The following VWA8 variants were observed in gnomAD, a reference collection of about 807,000 sequenced individuals.
VWA8 encodes von Willebrand factor A domain-containing protein 8.
VWA8 carries 221 observed loss-of-function variants against 241.5 expected under a neutral mutation model. That is an observed-to-expected ratio of 0.91 (90% CI 0.82 to 1.02). The LOEUF is 1.02. Among genes scored for constraint, VWA8 ranks in the 50% least tolerant of loss-of-function variants. The pLI is 0.00. For synonymous variants in VWA8, 852 were observed against 827.1 expected, an observed-to-expected ratio of 1.03 and a Z score of -0.52; for missense variants, 2,322 against 2,328.7, an observed-to-expected ratio of 1.00 and a Z score of 0.06.
chr13:41,660,569 T>C (rs549631591), intron 37 of VWA8, among the ~76,000 whole-genome samples: 1 of 152,216 alleles, frequency 6.6e-6, no homozygotes, highest in East Asian at 1.9e-4. Flanking sequence ...CTCCCAAGAG[T>C]CCCATTCATC....
chr13:41,765,862 T>C (rs956759915), intron 20 of VWA8, among the ~76,000 whole-genome samples: 1 of 152,202 alleles, frequency 6.6e-6, no homozygotes, highest in Admixed American at 6.5e-5. Context: ...GGAAATTTGA[T>C]ATAGGAGAAG....
At chr13:41,765,420 T>G (rs367943473) in intron 20 of VWA8, among the ~76,000 whole-genome samples, 22 of 152,322 alleles carry the variant, frequency 1.4e-4, no homozygotes, top group African/African-American at 5.0e-4. Flanking sequence ...AGTTGCTTAC[T>G]ACTTCATTTT....
At position 41,868,373 on chromosome 13, in the gene VWA8, C is replaced by T. The variant is rs1873409782; in HGVS notation, c.1185G>A (p.Arg395=). ...NHVSQASVTI[R]IADKEVTIKV... ...TAATGGTCACCTCTTTATCTGCAAT[C>T]CGGATGGTCACAGAAGCTTGGGACA... The change falls in exon 10 of 45, where the codon CGG becomes CGA. Residue 395 remains arginine (R), a synonymous_variant. Coordinates refer to ENST00000379310, the MANE Select transcript of VWA8 (RefSeq NM_015058.2). 5 of 1,614,008 alleles carry T rather than the reference C, an allele frequency of 3.1e-6. No homozygotes were observed. The highest frequency in any genetic ancestry group is 4.2e-6 in the Non-Finnish European group (5 of 1,180,010).
intron 1 of VWA8, among the ~76,000 whole-genome samples, chr13:41,959,493 CAA>C (rs59960898): frequency 6.5e-5 from 5 of 76,456 alleles, no homozygotes; most frequent in Admixed American, 1.6e-4. Flanking sequence ...TGAGAAAAAG[CAA>C]AAAAAAAAAA....
intron 21 of VWA8, among the ~76,000 whole-genome samples, chr13:41,738,431 C>G (rs1265177251): frequency 6.6e-6 from 1 of 152,148 alleles, no homozygotes; most frequent in East Asian, 1.9e-4. Flanking sequence ...CTGATGGAAA[C>G]TAAACATTTC....
intron 37 of VWA8, among the ~76,000 whole-genome samples, chr13:41,663,224 T>TA (rs35241585): frequency 0.021 from 3,155 of 151,114 alleles, 63 homozygotes; most frequent in African/African-American, 0.058. Context: ...TTCAGTTACA[T>TA]AAAAAAAAAG....
At chr13:41,909,033 T>C (rs1875864366) in intron 3 of VWA8, among the ~76,000 whole-genome samples, 3 of 151,608 alleles carry the variant, frequency 2.0e-5, no homozygotes, top group Admixed American at 2.0e-4. Context: ...CATAACTTTA[T>C]GTACGTAAAG....
intron 21 of VWA8, among the ~76,000 whole-genome samples, chr13:41,735,434 A>T (rs2045517305): frequency 1.3e-5 from 2 of 152,232 alleles, no homozygotes; most frequent in African/African-American, 4.8e-5. Context: ...TGTGCCAGAA[A>T]TAAAAATCAC....
At chr13:41,708,677 T>G (rs1277725728) in intron 26 of VWA8, among the ~76,000 whole-genome samples, 1 of 152,188 alleles carries the variant, frequency 6.6e-6, no homozygotes, top group Non-Finnish European at 1.5e-5. Context: ...CTCTCCCACC[T>G]AGGTCCTGCA....
intron 42 of VWA8, among the ~76,000 whole-genome samples, chr13:41,576,044 T>G: frequency 6.6e-6 from 1 of 152,222 alleles, no homozygotes; most frequent in Non-Finnish European, 1.5e-5. Flanking sequence ...AGGCTAGAGC[T>G]GGGAGTCAAG....
At chr13:41,635,720 C>T (rs1192840991) in intron 37 of VWA8, among the ~76,000 whole-genome samples, 1 of 152,090 alleles carries the variant, frequency 6.6e-6, no homozygotes, top group East Asian at 1.9e-4. Context: ...GGTAGTGGAG[C>T]AAACCAGAAG....
At chr13:41,636,149 C>A (rs1286556856) in intron 37 of VWA8, among the ~76,000 whole-genome samples, 1 of 152,086 alleles carries the variant, frequency 6.6e-6, no homozygotes, top group Non-Finnish European at 1.5e-5. Flanking sequence ...TCAGGGAGAA[C>A]AAAGCTGGAG....
intron 19 of VWA8, among the ~76,000 whole-genome samples, chr13:41,778,777 G>C (rs1220675480): frequency 6.7e-6 from 1 of 149,778 alleles, no homozygotes; most frequent in East Asian, 2.0e-4. Context: ...TTTGTAAAAA[G>C]GCAAATTAAC....
At chr13:41,869,488 TG>T (rs1309126207) in intron 9 of VWA8, among the ~76,000 whole-genome samples, 2 of 151,686 alleles carry the variant, frequency 1.3e-5, no homozygotes, top group African/African-American at 4.8e-5. Context: ...AAAAATTAGC[TG>T]GGCATGGTGG....
intron 9 of VWA8, 74 bp downstream of exon 9, chr13:41,883,313 T>A: frequency 8.6e-7 from 1 of 1,158,994 alleles, no homozygotes; most frequent in Non-Finnish European, 1.3e-6. Context: ...GGGAAAGGAG[T>A]GAGGGGAAGA....
intron 40 of VWA8, among the ~76,000 whole-genome samples, 171 bp downstream of exon 40, chr13:41,604,997 T>C (rs1291134292): frequency 6.6e-6 from 1 of 152,064 alleles, no homozygotes; most frequent in Non-Finnish European, 1.5e-5. Flanking sequence ...ATACATACAC[T>C]GGATGATCAA....
intron 5 of VWA8, among the ~76,000 whole-genome samples, chr13:41,887,672 C>T (rs996764237): frequency 6.6e-6 from 1 of 152,196 alleles, no homozygotes; most frequent in Non-Finnish European, 1.5e-5. Context: ...AAGGAAAATA[C>T]ATGACTAGAG....
chr13:41,609,778 C>T (rs2044575597), intron 39 of VWA8, among the ~76,000 whole-genome samples: 1 of 152,146 alleles, frequency 6.6e-6, no homozygotes, highest in South Asian at 2.1e-4. Context: ...CTCTGTCTTT[C>T]AACCACCTTA....
chr13:41,907,626 CG>C lies in VWA8; in HGVS notation c.442del (p.Arg148AspfsTer42). The C allele has an allele frequency of 6.2e-7, 1 of 1,614,138 alleles. No homozygotes were observed. The highest frequency in any genetic ancestry group is 8.5e-7 in the Non-Finnish European group (1 of 1,180,000). ...GGCTGTGCCTGCACGGATCTCTCGT[CG>C]CTGTTTGAGATCAGTTTCAGTGGTG... ...RDTTETDLKQ[R>X]REIRAGTAFY... On this transcript the variant is annotated frameshift_variant, in exon 4 of 45. Coordinates refer to ENST00000379310, the MANE Select transcript of VWA8 (RefSeq NM_015058.2). LOFTEE classifies it high-confidence loss of function.
Sources: gnomAD v4.1 joint callset for allele counts (sites outside exome capture counted in the v4.1 genomes callset) on GRCh38, gnomAD v4.1.1 for gene constraint, MANE v1.5 for transcripts, NCBI Gene and HGNC (gene_info 2026-07-23, HGNC 2026-07-21) for gene names.